Variants in ANP32A observed in about 807,000 individuals in gnomAD.
ANP32A encodes acidic leucine-rich nuclear phosphoprotein 32 family member A.
A neutral mutation model predicts 33.9 loss-of-function variants in ANP32A; 1 was observed. That is an observed-to-expected ratio of 0.03 (90% CI 0.01 to 0.14). ANP32A has a LOEUF of 0.14. Ranked by LOEUF, ANP32A falls within the 10% of genes least tolerant of loss-of-function variation. The pLI, the probability that ANP32A is intolerant of heterozygous loss-of-function variation, is 1.00. For synonymous variants in ANP32A, 115 were observed against 120.5 expected (o/e 0.95, Z 0.30); for missense variants, 155 against 306.0 (o/e 0.51, Z 3.68).
At chr15:68,782,371 G>A (rs1474665006) in intron 5 of ANP32A, among the ~76,000 whole-genome samples, 1 of 152,172 alleles carries the variant, frequency 6.6e-6, no homozygotes, top group Non-Finnish European at 1.5e-5. Context: ...TGAAGAAATA[G>A]GCTCAGAAAG....
chr15:68,798,726 T>A (rs1439313022), intron 1 of ANP32A, among the ~76,000 whole-genome samples: 1 of 152,132 alleles, frequency 6.6e-6, no homozygotes, highest in Non-Finnish European at 1.5e-5. Context: ...GCCCCTGCTC[T>A]CCCCACCACC....
rs1208295711 is a variant in ANP32A, at chr15:68,818,388, G to A, written c.54+2310C>T. ...AGGGGGCGCGCTCCGGGAGCCATTTGTCTTAAGAACGTTTAAAAAAATACA... is the reference window on the plus strand; with the variant it reads ...AGGGGGCGCGCTCCGGGAGCCATTTATCTTAAGAACGTTTAAAAAAATACA... On this transcript the variant is annotated intron_variant, in intron 1 of 6. Transcript: ENST00000465139. 3.7e-5 allele frequency: 6 copies of A among 162,374 alleles called. No individual in the cohort carries two copies. In the South Asian group the frequency reaches 4.8e-4, roughly 13 times the overall value. The allele number at this position is 162,374 out of a possible 1,614,324, so 10.1% of individuals were successfully genotyped here.
chr15:68,815,239 A>G (rs1894364434), intron 1 of ANP32A, among the ~76,000 whole-genome samples: 1 of 152,220 alleles, frequency 6.6e-6, no homozygotes, highest in Non-Finnish European at 1.5e-5. Flanking sequence ...CCCACCCTCC[A>G]ATCTACTGAA....
chr15:68,810,953 G>T (rs184862629), intron 1 of ANP32A, among the ~76,000 whole-genome samples: 1 of 151,734 alleles, frequency 6.6e-6, no homozygotes, highest in South Asian at 2.1e-4. Context: ...CCAGCTACTC[G>T]GGAGGCTGAG....
At chr15:68,783,192 C>T (rs1186452729) in intron 4 of ANP32A, 139 bp from the exon 5 acceptor site, 4 of 1,313,066 alleles carry the variant, frequency 3.0e-6, no homozygotes, top group Middle Eastern at 1.9e-4. Flanking sequence ...AGATGGAACA[C>T]ACTAACTCTC....
intron 1 of ANP32A, among the ~76,000 whole-genome samples, chr15:68,820,400 G>A (rs1894456314): frequency 6.6e-6 from 1 of 152,064 alleles, no homozygotes; most frequent in Admixed American, 6.5e-5. Flanking sequence ...CCAAACGCGT[G>A]CGCCCGCCGG....
chr15:68,780,386 C>G lies in ANP32A; in HGVS notation c.688+24G>C. On this transcript the variant is annotated intron_variant, in intron 6 of 6. Coordinates refer to ENST00000465139, the MANE Select transcript of ANP32A (RefSeq NM_006305.4). The surrounding 1 kb of genome is among the most constrained non-coding windows in gnomAD (Gnocchi z 4.3). ...AGTGAAAGGGCCAGGCTGCTACCAG[C>G]TGAGAGTAAAAAGGCTGCCATACCA... The G allele has an allele frequency of 3.7e-6, 6 of 1,613,964 alleles. No homozygotes were observed. Among genetic ancestry groups the G allele is most frequent in the Non-Finnish European group, 5.1e-6 (6 of 1,179,872 alleles).
At position 68,780,567 on chromosome 15, in the gene ANP32A, C is replaced by T; in HGVS notation, c.625-94G>A. 1.3e-6 allele frequency: 2 copies of T among 1,548,354 alleles called. No individual in the cohort carries two copies. The highest frequency in any genetic ancestry group is 2.2e-5 in the Admixed American group (1 of 46,484). On this transcript the variant is annotated intron_variant, in intron 5 of 6. Coordinates refer to ENST00000465139, the MANE Select transcript of ANP32A (RefSeq NM_006305.4). The surrounding 1 kb of genome is among the most constrained non-coding windows in gnomAD (Gnocchi z 4.3). Reference sequence around the variant, plus strand: ...AGAGCACAAAAAGGCCGGGGTCACCCCCAGCCTCTCAGAGCCCCCACCAAG... The same window carrying T: ...AGAGCACAAAAAGGCCGGGGTCACCTCCAGCCTCTCAGAGCCCCCACCAAG...
intron 1 of ANP32A, among the ~76,000 whole-genome samples, chr15:68,800,752 A>AAAAAAAAG (rs1249291029): frequency 1.3e-5 from 2 of 150,506 alleles, no homozygotes; most frequent in African/African-American, 2.4e-5. Context: ...TCAAAAAAAA[A>AAAAAAAAG]AAAAAGAAAG....
intron 1 of ANP32A, among the ~76,000 whole-genome samples, chr15:68,798,846 A>C (rs1320676094): frequency 6.6e-6 from 1 of 152,242 alleles, no homozygotes; most frequent in East Asian, 1.9e-4. Flanking sequence ...CCTCTATGCA[A>C]AATGACAGCA....
chr15:68,802,170 T>G (rs1159245305), intron 1 of ANP32A, among the ~76,000 whole-genome samples: 1 of 152,174 alleles, frequency 6.6e-6, no homozygotes, highest in East Asian at 1.9e-4. Flanking sequence ...TCCTTTTCAA[T>G]TTTTTGACTA....
chr15:68,792,519 G>T (rs1036874057), intron 1 of ANP32A, among the ~76,000 whole-genome samples: 4 of 152,144 alleles, frequency 2.6e-5, no homozygotes, highest in East Asian at 3.8e-4. Flanking sequence ...TCACCAATGG[G>T]ACCTGAAAAT....
intron 1 of ANP32A, among the ~76,000 whole-genome samples, chr15:68,808,540 C>T (rs1342029538): frequency 6.6e-6 from 1 of 152,232 alleles, no homozygotes; most frequent in Non-Finnish European, 1.5e-5. Flanking sequence ...CTCCTTGTCT[C>T]ATTCCCGATG....
chr15:68,813,836 G>A (rs1041640197), intron 1 of ANP32A, among the ~76,000 whole-genome samples: 1 of 147,734 alleles, frequency 6.8e-6, no homozygotes, highest in African/African-American at 2.5e-5. Flanking sequence ...GGCATGAGAT[G>A]TCTAAAGAGT....
At chr15:68,813,971 G>A (rs746201318) in intron 1 of ANP32A, among the ~76,000 whole-genome samples, 5 of 145,920 alleles carry the variant, frequency 3.4e-5, no homozygotes, top group Admixed American at 7.2e-5. Flanking sequence ...CCGGGTTCAC[G>A]GCATTCTCCT....
chr15:68,802,933 C>T (rs559267053), intron 1 of ANP32A, among the ~76,000 whole-genome samples: 5 of 152,292 alleles, frequency 3.3e-5, no homozygotes, highest in Admixed American at 6.5e-5. Flanking sequence ...GGATTACAGA[C>T]GTGAGCCATT....
At chr15:68,806,287 A>G (rs1184515929) in intron 1 of ANP32A, among the ~76,000 whole-genome samples, 2 of 152,152 alleles carry the variant, frequency 1.3e-5, no homozygotes, top group Non-Finnish European at 2.9e-5. Flanking sequence ...GCTGGAGTCT[A>G]TGGCCACTGG....
chr15:68,786,712 T>C (rs762866232), intron 3 of ANP32A, among the ~76,000 whole-genome samples: 11 of 152,232 alleles, frequency 7.2e-5, no homozygotes, highest in African/African-American at 1.2e-4. Flanking sequence ...CTGGTAATTA[T>C]AGAAAGTGTT....
chr15:68,785,064 A>G (rs1196121337), intron 3 of ANP32A, among the ~76,000 whole-genome samples: 2 of 152,190 alleles, frequency 1.3e-5, no homozygotes, highest in African/African-American at 4.8e-5. Flanking sequence ...CACTTCATGT[A>G]CTGAGTCACT....
Sources: allele counts gnomAD v4.1 joint callset (sites outside exome capture counted in the v4.1 genomes callset), GRCh38; gene constraint gnomAD v4.1.1; non-coding constraint Gnocchi (gnomAD v3.1); transcripts MANE v1.5; gene names NCBI Gene and HGNC (gene_info 2026-07-23, HGNC 2026-07-21).